Variants in HS3ST2 observed in about 807,000 individuals in gnomAD.
HS3ST2 encodes heparan sulfate glucosamine 3-O-sulfotransferase 2.
A neutral mutation model predicts 26.3 loss-of-function variants in HS3ST2; 17 were observed. The ratio of observed to expected loss-of-function variants is 0.65; its 90% confidence interval spans 0.44 to 0.97. The LOEUF (loss-of-function observed/expected upper bound fraction) is 0.97. HS3ST2 is among the 50% of genes least tolerant of loss of function. The pLI, the probability that HS3ST2 is intolerant of heterozygous loss-of-function variation, is 0.00. For synonymous variants in HS3ST2, 237 were observed against 219.2 expected, an observed-to-expected ratio of 1.08 and a Z score of -0.72; for missense variants, 402 against 501.2, an observed-to-expected ratio of 0.80 and a Z score of 1.89.
At chr16:22,884,659 A>T (rs542206821) in intron 1 of HS3ST2, among the ~76,000 whole-genome samples, 3,025 of 139,024 alleles carry the variant, frequency 0.022, 78 homozygotes, top group African/African-American at 0.068. Context: ...TAGAGAAAAA[A>T]ATATATATAT....
intron 1 of HS3ST2, among the ~76,000 whole-genome samples, chr16:22,845,235 A>G (rs1349250567): frequency 6.7e-6 from 1 of 148,310 alleles, no homozygotes; most frequent in African/African-American, 2.6e-5. Context: ...AGGGGGCAGT[A>G]CAACTTCATC....
intron 1 of HS3ST2, among the ~76,000 whole-genome samples, chr16:22,909,683 C>A (rs555223243): frequency 1.3e-5 from 2 of 152,166 alleles, no homozygotes; most frequent in Non-Finnish European, 2.9e-5. Context: ...ATGTTTGCAA[C>A]CTGATTCTTA....
rs1902492416 is a variant in HS3ST2 at position 22,916,069 on chromosome 16, G to A, written c.*507G>A. The stretch of plus-strand genomic sequence containing the variant: ...TCCTCAGACCTTATCAATTCATTGA[G>A]AGATTGCAAAGCTGAAAGCACCTCC... On this transcript the variant is annotated 3_prime_UTR_variant, in exon 2 of 2. Transcript: ENST00000261374. The A allele has an allele frequency of 6.4e-6, 1 of 155,560 alleles. No individual in the cohort carries two copies. Among genetic ancestry groups the A allele is most frequent in the African/African-American group, 2.4e-5 (1 of 41,456 alleles). The allele number at this position is 155,560 out of a possible 1,614,324, so 9.6% of individuals were successfully genotyped here.
chr16:22,892,195 C>G (rs1236933297), intron 1 of HS3ST2, among the ~76,000 whole-genome samples: 1 of 148,924 alleles, frequency 6.7e-6, no homozygotes, highest in African/African-American at 2.5e-5. Context: ...GAGGCTGAGG[C>G]AGGAGAATGG....
At chr16:22,824,632 A>G (rs1452970171) in intron 1 of HS3ST2, among the ~76,000 whole-genome samples, 4 of 152,208 alleles carry the variant, frequency 2.6e-5, no homozygotes, top group Non-Finnish European at 4.4e-5. Context: ...TTGCTTTCTC[A>G]GGCAGTTTAA....
Position 22,814,766 on chromosome 16 carries a change from G to T in HS3ST2, c.156G>T (p.Ala52=), listed in dbSNP as rs1440866009. 1.2e-6 allele frequency: 2 copies of T among 1,604,252 alleles called. No individual in the cohort carries two copies. The highest frequency in any genetic ancestry group is 1.7e-6 in the Non-Finnish European group (2 of 1,176,796). Residue 52 remains alanine (A), a synonymous_variant, in exon 1 of 2, where the codon GCG becomes GCT. Transcript: ENST00000261374. ...DDLGRSRLLG[A]PRCLRGPSAG... is the part of the protein sequence containing the mutation. ...TGGGTCGGAGCCGCCTCCTCGGCGC[G>T]CCTCGCTGCCTCCGCGGCCCCAGCG...
intron 1 of HS3ST2, among the ~76,000 whole-genome samples, chr16:22,828,977 G>C (rs1353238823): frequency 6.6e-6 from 1 of 152,206 alleles, no homozygotes; most frequent in Non-Finnish European, 1.5e-5. Flanking sequence ...GAAATAACCA[G>C]AAATGACTCT....
chr16:22,863,893 C>T (rs889008456), intron 1 of HS3ST2, among the ~76,000 whole-genome samples: 12 of 152,212 alleles, frequency 7.9e-5, no homozygotes, highest in Non-Finnish European at 5.9e-5. Context: ...AGTTCCTTCC[C>T]GTGTTGAGTT....
intron 1 of HS3ST2, among the ~76,000 whole-genome samples, chr16:22,879,306 C>G (rs1901957517): frequency 6.6e-6 from 1 of 152,360 alleles, no homozygotes; most frequent in East Asian, 1.9e-4. Flanking sequence ...TTGTAGATGG[C>G]TTCCAGAGCT....
In HS3ST2 at chr16:22,915,070, G is replaced by A; in HGVS notation, c.612G>A (p.Val204=). The A allele has an allele frequency of 6.2e-7, 1 of 1,613,980 alleles. No individual in the cohort carries two copies. Among genetic ancestry groups the A allele is most frequent in the Non-Finnish European group, 8.5e-7 (1 of 1,179,990 alleles). The change falls in exon 2 of 2, where the codon GTG becomes GTA. Residue 204 remains valine, a synonymous_variant. Coordinates refer to ENST00000261374, the MANE Select transcript of HS3ST2 (RefSeq NM_006043.2). ...GAGACACCAAGCTGATCGTGGTTGTGCGGAACCCTGTGACCCGTGCCATCT... is the reference window on the plus strand; with the variant it reads ...GAGACACCAAGCTGATCGTGGTTGTACGGAACCCTGTGACCCGTGCCATCT... ...MSRDTKLIVV[V]RNPVTRAISD...
At chr16:22,883,003 C>T (rs1902011364) in intron 1 of HS3ST2, among the ~76,000 whole-genome samples, 1 of 151,338 alleles carries the variant, frequency 6.6e-6, no homozygotes, top group African/African-American at 2.4e-5. Context: ...TGCACTCTGG[C>T]CTGGCAACAG....
intron 1 of HS3ST2, chr16:22,833,172 A>T (rs1048243896): frequency 1.1e-5 from 5 of 454,674 alleles, no homozygotes; most frequent in South Asian, 7.8e-5. Context: ...TAGCCATTAA[A>T]ACCTGGCTGT....
At chr16:22,852,276 G>A (rs1901528945) in intron 1 of HS3ST2, among the ~76,000 whole-genome samples, 1 of 152,116 alleles carries the variant, frequency 6.6e-6, no homozygotes, top group East Asian at 1.9e-4. Context: ...TGTAGACACA[G>A]GAGCAAAAAT....
intron 1 of HS3ST2, among the ~76,000 whole-genome samples, chr16:22,834,641 T>A (rs921879785): frequency 2.0e-5 from 3 of 151,458 alleles, no homozygotes; most frequent in Non-Finnish European, 4.4e-5. Context: ...TAAATTTATT[T>A]CAGAGGAATT....
intron 1 of HS3ST2, among the ~76,000 whole-genome samples, chr16:22,832,824 A>G (rs2141178948): frequency 6.6e-6 from 1 of 151,758 alleles, no homozygotes; most frequent in South Asian, 2.1e-4. Flanking sequence ...CAATCTACTG[A>G]CAGCACCGAT....
intron 1 of HS3ST2, among the ~76,000 whole-genome samples, chr16:22,866,413 C>G (rs1485904558): frequency 2.1e-5 from 3 of 143,430 alleles, no homozygotes; most frequent in Non-Finnish European, 4.6e-5. Context: ...TGTGTTGGGG[C>G]AGAGGAAGGG....
rs989192794 is a variant in HS3ST2 at position 22,814,171 on chromosome 16, C to T, written c.-440C>T. 4 of 161,718 alleles carry T rather than the reference C, an allele frequency of 2.5e-5. No individual in the cohort carries two copies. Among genetic ancestry groups the T allele is most frequent in the Non-Finnish European group, 4.0e-5 (3 of 75,044 alleles). 10.0% of individuals were successfully genotyped at this position (161,718 alleles called of 1,614,324 possible). A position where few individuals can be genotyped will look rare whatever the true frequency, so the allele number is the denominator to read the frequency against. On this transcript the variant is annotated 5_prime_UTR_variant, in exon 1 of 2. Coordinates refer to ENST00000261374, the MANE Select transcript of HS3ST2 (RefSeq NM_006043.2). ...GCAGCGCGCTCCGCTCGGCATTTCC[C>T]GAAGAGCCAGATCGCGGCCGGCGCC...
intron 1 of HS3ST2, among the ~76,000 whole-genome samples, chr16:22,879,241 G>C (rs921032656): frequency 1.3e-5 from 2 of 152,178 alleles, no homozygotes; most frequent in East Asian, 1.9e-4. Context: ...CAAATAACCA[G>C]TCTCACTGAT....
intron 1 of HS3ST2, among the ~76,000 whole-genome samples, chr16:22,816,090 T>C (rs1900863699): frequency 6.6e-6 from 1 of 152,176 alleles, no homozygotes; most frequent in Non-Finnish European, 1.5e-5. Flanking sequence ...CCTCAATGCC[T>C]TTCTGCCTCC....
Sources: allele counts gnomAD v4.1 joint callset (sites outside exome capture counted in the v4.1 genomes callset), GRCh38; gene constraint gnomAD v4.1.1; transcripts MANE v1.5; gene names NCBI Gene and HGNC (gene_info 2026-07-23, HGNC 2026-07-21).